SMG6: variants seen among roughly 807,000 people sequenced by gnomAD.
SMG6 encodes the protein telomerase-binding protein EST1A.
SMG6 carries 66 observed loss-of-function variants against 142.2 expected under a neutral mutation model. The ratio of observed to expected loss-of-function variants is 0.46; its 90% CI spans 0.38 to 0.57. The LOEUF is 0.57. Ranked by LOEUF, SMG6 falls within the 20% of genes least tolerant of loss-of-function variation. The pLI is 0.00. For missense variants in SMG6, 1,793 were observed against 1,832.0 expected (o/e 0.98, Z 0.39); for synonymous variants, 779 against 702.4 (o/e 1.11, Z -1.72).
chr17:2,272,201 C>A (rs951680863), intron 8 of SMG6, among the ~76,000 whole-genome samples: 2 of 152,170 alleles, frequency 1.3e-5, no homozygotes, highest in African/African-American at 4.8e-5. Flanking sequence ...GATTTAGGTG[C>A]CCTGTGAGCC....
chr17:2,149,022 T>C (rs1164091512), intron 13 of SMG6, among the ~76,000 whole-genome samples: 4 of 152,090 alleles, frequency 2.6e-5, no homozygotes, highest in Non-Finnish European at 5.9e-5. Flanking sequence ...ACAGTTTGAA[T>C]GTACTTAATG....
chr17:2,162,128 G>A (rs1160893644), intron 13 of SMG6, among the ~76,000 whole-genome samples: 1 of 152,132 alleles, frequency 6.6e-6, no homozygotes, highest in East Asian at 1.9e-4. Flanking sequence ...TTAAATTCAT[G>A]TTATAGGTAA....
At chr17:2,201,685 A>G (rs1221225014) in intron 10 of SMG6, among the ~76,000 whole-genome samples, 2 of 151,762 alleles carry the variant, frequency 1.3e-5, no homozygotes, top group African/African-American at 4.8e-5. Context: ...TTCAAAAAAA[A>G]AAAAAAAAGT....
At chr17:2,210,177 T>C (rs2072806666) in intron 10 of SMG6, among the ~76,000 whole-genome samples, 1 of 152,084 alleles carries the variant, frequency 6.6e-6, no homozygotes, top group Non-Finnish European at 1.5e-5. Context: ...GTTCAATTTC[T>C]CCCTCTGCCC....
intron 16 of SMG6, among the ~76,000 whole-genome samples, chr17:2,066,253 T>C (rs556599547): frequency 9.7e-4 from 147 of 152,206 alleles, no homozygotes; most frequent in African/African-American, 3.3e-3. Context: ...CACGTGTGTG[T>C]GTGCGCGCAC....
chr17:2,300,241 T>C lies in SMG6; in HGVS notation c.512A>G (p.Gln171Arg). The C allele has an allele frequency of 6.2e-7, 1 of 1,614,250 alleles. No homozygotes were observed. The highest frequency in any genetic ancestry group is 1.1e-5 in the South Asian group (1 of 91,090). Residue 171 changes from glutamine (Q) to arginine (R), a missense_variant, in exon 2 of 19, where the codon CAG becomes CGG. By Grantham distance (43) the Gln-to-Arg change is conservative. Coordinates refer to ENST00000263073, the MANE Select transcript of SMG6 (RefSeq NM_017575.5). The part of the protein sequence containing the change: ...SRVEEEEVLN[Q>R]VEQLRVEEDE... ...TTCCTCTACTCTCAGTTGTTCTACCTGGTTGAGGACTTCTTCCTCCTCCAC... is the reference window on the plus strand; with the variant it reads ...TTCCTCTACTCTCAGTTGTTCTACCCGGTTGAGGACTTCTTCCTCCTCCAC...
At chr17:2,165,121 C>G (rs1462256133) in intron 13 of SMG6, among the ~76,000 whole-genome samples, 1 of 152,212 alleles carries the variant, frequency 6.6e-6, no homozygotes, top group Non-Finnish European at 1.5e-5. Context: ...AGCTTTCTCA[C>G]TGCTACGAAT....
intron 8 of SMG6, among the ~76,000 whole-genome samples, chr17:2,251,303 G>A (rs895975857): frequency 8.6e-5 from 13 of 150,968 alleles, no homozygotes; most frequent in African/African-American, 2.7e-4. Flanking sequence ...ACCAAATAGC[G>A]TGACTCAAAT....
chr17:2,214,651 A>G (rs2281727), intron 10 of SMG6, among the ~76,000 whole-genome samples: 57,070 of 152,064 alleles, frequency 0.38, 11,004 homozygotes, highest in African/African-American at 0.44. Flanking sequence ...AAATCCTTAA[A>G]CAAAAAGTAA....
At chr17:2,124,690 G>C (rs1241282615) in intron 13 of SMG6, among the ~76,000 whole-genome samples, 2 of 152,284 alleles carry the variant, frequency 1.3e-5, no homozygotes, top group East Asian at 1.9e-4. Flanking sequence ...CTGGGGAAGG[G>C]GCAGCAGGGA....
intron 13 of SMG6, among the ~76,000 whole-genome samples, chr17:2,144,049 C>CGGG: frequency 1.5e-5 from 1 of 65,098 alleles, no homozygotes; most frequent in South Asian, 6.4e-4. Context: ...ACCACGGCCG[C>CGGG]TTTTTTTTTT....
intron 13 of SMG6, among the ~76,000 whole-genome samples, chr17:2,118,838 C>A (rs1050572024): frequency 1.3e-5 from 2 of 150,978 alleles, no homozygotes; most frequent in African/African-American, 4.9e-5. Flanking sequence ...ATTCTCCTGC[C>A]TTAGACTGAT....
chr17:2,127,645 G>T, intron 13 of SMG6: 3 of 569,284 alleles, frequency 5.3e-6, no homozygotes, highest in South Asian at 2.8e-5. Flanking sequence ...TTCATTCAAC[G>T]AATACAATTC....
At chr17:2,102,218 TTG>T (rs1178745815) in intron 13 of SMG6, among the ~76,000 whole-genome samples, 1 of 152,224 alleles carries the variant, frequency 6.6e-6, no homozygotes, top group Non-Finnish European at 1.5e-5. Context: ...CAATTTATAT[TTG>T]TGTTTATTTA....
chr17:2,205,991 T>A (rs1484676083), intron 10 of SMG6, among the ~76,000 whole-genome samples: 1 of 152,086 alleles, frequency 6.6e-6, no homozygotes, highest in Non-Finnish European at 1.5e-5. Flanking sequence ...ATATTTTTAG[T>A]AGAGGTGGCA....
chr17:2,114,673 A>G (rs1035756237), intron 13 of SMG6, among the ~76,000 whole-genome samples: 9 of 152,096 alleles, frequency 5.9e-5, no homozygotes, highest in African/African-American at 2.2e-4. Flanking sequence ...TCACACCTGT[A>G]ATCCCAGCAC....
intron 10 of SMG6, among the ~76,000 whole-genome samples, chr17:2,223,148 T>C (rs2073224550): frequency 6.6e-6 from 1 of 152,148 alleles, no homozygotes; most frequent in South Asian, 2.1e-4. Context: ...GGGCAGGCAT[T>C]ATAAGATCTT....
intron 13 of SMG6, among the ~76,000 whole-genome samples, chr17:2,116,954 G>T (rs2069526517): frequency 6.6e-6 from 1 of 151,976 alleles, no homozygotes; most frequent in Non-Finnish European, 1.5e-5. Context: ...ATGGCCAATA[G>T]CAGAAGAAAA....
chr17:2,107,775 G>A (rs141663297), intron 13 of SMG6, among the ~76,000 whole-genome samples: 1 of 152,326 alleles, frequency 6.6e-6, no homozygotes, highest in Non-Finnish European at 1.5e-5. Context: ...AAGGCAGGTG[G>A]CATGTTCATG....
Sources: gnomAD v4.1 joint callset for allele counts (sites outside exome capture counted in the v4.1 genomes callset) on GRCh38, gnomAD v4.1.1 for gene constraint, MANE v1.5 for transcripts, NCBI Gene and HGNC (gene_info 2026-07-23, HGNC 2026-07-21) for gene names.